MAPK8IP1: variants seen among roughly 807,000 people sequenced by gnomAD.
MAPK8IP1 encodes C-Jun-amino-terminal kinase-interacting protein 1.
A neutral mutation model predicts 72.6 loss-of-function variants in MAPK8IP1; 17 were observed. The observed-to-expected ratio is 0.23, with a 90% CI of 0.16 to 0.35. The LOEUF is 0.35. Among genes scored for constraint, MAPK8IP1 ranks in the 10% least tolerant of loss-of-function variants. MAPK8IP1 has a pLI of 1.00. For synonymous variants in MAPK8IP1, 401 were observed against 443.4 expected, an observed-to-expected ratio of 0.90 and a Z score of 1.20; for missense variants, 789 against 1,009.7, an observed-to-expected ratio of 0.78 and a Z score of 2.96.
chr11:45,901,999 C>G lies in MAPK8IP1; in HGVS notation c.542C>G (p.Ser181Cys). The G allele has an allele frequency of 5.6e-6, 9 of 1,614,092 alleles. No homozygotes were observed. Among genetic ancestry groups the G allele is most frequent in the Non-Finnish European group, 6.8e-6 (8 of 1,179,924 alleles). ...GCACAGGACACACTGAATAATAATT[C>G]TCTGGGCAAAAAGCACAGTTGGCAG... is the stretch of plus-strand genomic sequence containing the variant. ...PRSQDTLNNN[S>C]LGKKHSWQDR... The change falls in exon 4 of 12, where the codon TCT becomes TGT. Residue 181 changes from serine (S) to cysteine (C), a missense_variant. By Grantham distance (112) the Ser-to-Cys change is moderately radical. Coordinates refer to ENST00000241014, the MANE Select transcript of MAPK8IP1 (RefSeq NM_005456.4).
chr11:45,897,210 C>T (rs529731813), intron 1 of MAPK8IP1, among the ~76,000 whole-genome samples: 103 of 152,224 alleles, frequency 6.8e-4, no homozygotes, highest in Non-Finnish European at 1.4e-3. Flanking sequence ...CCACCACCCC[C>T]CCAGCAAGCC....
chr11:45,902,203 C>A lies in MAPK8IP1; in HGVS notation c.604+142C>A. 1.0e-6 allele frequency: 1 copy of A among 996,366 alleles called. No individual in the cohort carries two copies. Among genetic ancestry groups the A allele is most frequent in the Non-Finnish European group, 1.6e-6 (1 of 624,430 alleles). 61.7% of individuals were successfully genotyped at this position (996,366 alleles called of 1,614,324 possible). ...ATCCCTGCACGAGCCCATCCAGGGG[C>A]TGAGATCAGTGGTGGCATGAGTGAG... is the stretch of plus-strand genomic sequence containing the variant. On this transcript the variant is annotated intron_variant, in intron 4 of 11. Coordinates refer to ENST00000241014, the MANE Select transcript of MAPK8IP1 (RefSeq NM_005456.4). The surrounding 1 kb of genome is among the most constrained non-coding windows in gnomAD (Gnocchi z 9.3).
rs899202538 is a variant in MAPK8IP1 at position 45,900,551 on chromosome 11, T to C, written c.522+99T>C. ...CGGGAAGGGGCACCCACGGGTCCAG[T>C]GCCTGGGGACAGCGCCTGCATAGGG... is the stretch of plus-strand genomic sequence containing the variant. On this transcript the variant is annotated intron_variant, in intron 3 of 11. Coordinates refer to ENST00000241014, the MANE Select transcript of MAPK8IP1 (RefSeq NM_005456.4). The surrounding 1 kb of genome is among the most constrained non-coding windows in gnomAD (Gnocchi z 6.5). The C allele has an allele frequency of 1.0e-5, 14 of 1,390,062 alleles. No homozygotes were observed. The highest frequency in any genetic ancestry group is 1.4e-5 in the Non-Finnish European group (14 of 1,036,242). 86.1% of individuals were successfully genotyped at this position (1,390,062 alleles called of 1,614,324 possible).
Position 45,903,392 on chromosome 11 carries a change from G to T in MAPK8IP1, c.1445G>T (p.Cys482Phe). ...GCTGAGTCCTTCGGGCTGTTCTCCT[G>T]CATCATCAACGGGGAGGAGCAGGAG... ...SSAESFGLFS[C>F]IINGEEQEQT... The change falls in exon 6 of 12, where the codon TGC (cysteine) becomes TTC (phenylalanine). Residue 482 changes from cysteine (C) to phenylalanine (F), a missense_variant. Around this residue, in one of 4 missense-constraint regions of MAPK8IP1, gnomAD observed 377 missense variants for 411.7 expected, o/e 0.92. Coordinates refer to ENST00000241014, the MANE Select transcript of MAPK8IP1 (RefSeq NM_005456.4). This position sits in a 1 kb window ranked among gnomAD's most constrained non-coding sequence, Gnocchi z 6.4. 5 of 1,613,690 alleles carry T rather than the reference G, an allele frequency of 3.1e-6. No homozygotes were observed. Among genetic ancestry groups the T allele is most frequent in the Non-Finnish European group, 4.2e-6 (5 of 1,180,014 alleles).
chr11:45,889,763 C>T (rs146402488), intron 1 of MAPK8IP1, among the ~76,000 whole-genome samples: 20 of 152,186 alleles, frequency 1.3e-4, no homozygotes, highest in African/African-American at 3.6e-4. Context: ...GGGATAGAGC[C>T]AGGCCATGGC....
Position 45,904,155 on chromosome 11 carries a change from A to G in MAPK8IP1, c.1660A>G (p.Met554Val), listed in dbSNP as rs972690066. ...AIEVTKEPEHMAALAKNSDWV... is the reference protein window; with the variant it reads ...AIEVTKEPEHVAALAKNSDWV... ...CGAGGTCACCAAGGAGCCCGAGCAC[A>G]TGGCAGGTAGTGTTCCCTCCCTGGC... The change falls in exon 7 of 12, where the codon ATG becomes GTG. Residue 554 changes from methionine to valine, a missense_variant. Physicochemically the swap from Met to Val is conservative, Grantham distance 21 (BLOSUM62 1). This residue lies in a region of MAPK8IP1 where 188 missense variants were observed against 293.3 expected (regional missense o/e 0.64). Transcript: ENST00000241014. This position sits in a 1 kb window ranked among gnomAD's most constrained non-coding sequence, Gnocchi z 6.4. 13 of 1,613,658 alleles carry G rather than the reference A, an allele frequency of 8.1e-6. No homozygotes were observed. The highest frequency in any genetic ancestry group is 1.6e-4 in the Middle Eastern group (1 of 6,084).
chr11:45,903,370 G>A lies in MAPK8IP1; in HGVS notation c.1423G>A (p.Glu475Lys). The change falls in exon 6 of 12, where the codon GAG (glutamate) becomes AAG (lysine). Residue 475 changes from glutamate (E) to lysine (K), a missense_variant. Glu to Lys is a moderately conservative substitution (Grantham distance 56). Transcript: ENST00000241014. This position sits in a 1 kb window ranked among gnomAD's most constrained non-coding sequence, Gnocchi z 6.4. ...CCACACCACCTCACCTGCAGGTGCT[G>A]AGTCCTTCGGGCTGTTCTCCTGCAT... ...MSGRSRSSSA[E>K]SFGLFSCIIN... 1 of 1,613,766 alleles carries A rather than the reference G, an allele frequency of 6.2e-7. No individual in the cohort carries two copies.
At chr11:45,905,484 G>A (rs1451406360) in intron 11 of MAPK8IP1, among the ~76,000 whole-genome samples, 165 bp from the exon 12 acceptor site, 1 of 152,214 alleles carries the variant, frequency 6.6e-6, no homozygotes, top group Non-Finnish European at 1.5e-5. Flanking sequence ...ATCTTACTGG[G>A]AAACGCGATG....
At chr11:45,901,889 T>C in intron 3 of MAPK8IP1, 91 bp from the exon 4 acceptor site, 1 of 943,616 alleles carries the variant, frequency 1.1e-6, no homozygotes. Context: ...CAAATGGCCC[T>C]AGGGATGGCC....
At chr11:45,894,526 C>T (rs1404330487) in intron 1 of MAPK8IP1, among the ~76,000 whole-genome samples, 1 of 152,190 alleles carries the variant, frequency 6.6e-6, no homozygotes, top group East Asian at 1.9e-4. Flanking sequence ...CCCACCCAGA[C>T]CTATTGTCCA....
chr11:45,896,976 G>T (rs1347446297), intron 1 of MAPK8IP1: 3 of 1,556,946 alleles, frequency 1.9e-6, no homozygotes, highest in Non-Finnish European at 2.6e-6. Context: ...GCTGGCGGGG[G>T]TGGAGACCGA....
chr11:45,898,244 A>T, intron 2 of MAPK8IP1, 54 bp downstream of exon 2: 1 of 1,201,024 alleles, frequency 8.3e-7, no homozygotes, highest in South Asian at 1.2e-5. Flanking sequence ...GGCTAGGGAC[A>T]GGGGTAAGGG....
chr11:45,902,177 C>T lies in MAPK8IP1; in HGVS notation c.604+116C>T. The T allele has an allele frequency of 9.5e-7, 1 of 1,057,434 alleles. No individual in the cohort carries two copies. Among genetic ancestry groups the T allele is most frequent in the African/African-American group, 1.6e-5 (1 of 64,258 alleles). The allele number at this position is 1,057,434 out of a possible 1,614,324, so 65.5% of individuals were successfully genotyped here. ...TGAGTAGAGGTGAACTGCCCACCCACATCCCTGCACGAGCCCATCCAGGGG... is the reference window on the plus strand; with the variant it reads ...TGAGTAGAGGTGAACTGCCCACCCATATCCCTGCACGAGCCCATCCAGGGG... On this transcript the variant is annotated intron_variant, in intron 4 of 11. Coordinates refer to ENST00000241014, the MANE Select transcript of MAPK8IP1 (RefSeq NM_005456.4). This position sits in a 1 kb window ranked among gnomAD's most constrained non-coding sequence, Gnocchi z 9.3.
At position 45,904,486 on chromosome 11, in the gene MAPK8IP1, G is replaced by T. The variant is rs777996728; in HGVS notation, c.1698G>T (p.Gln566His). The change falls in exon 8 of 12, where the codon CAG (glutamine) becomes CAT (histidine). Residue 566 changes from glutamine to histidine, a missense_variant. By Grantham distance (24) the Gln-to-His change is conservative. Transcript: ENST00000241014. This position sits in a 1 kb window ranked among gnomAD's most constrained non-coding sequence, Gnocchi z 6.4. ...ALAKNSDWVD[Q>H]FRVKFLGSVQ... is the part of the protein sequence containing the mutation. Reference sequence around the variant, plus strand: ...CCAAAAACAGTGACTGGGTGGACCAGTTCCGGGTGAAGTTCCTGGGCTCAG... The same window carrying T: ...CCAAAAACAGTGACTGGGTGGACCATTTCCGGGTGAAGTTCCTGGGCTCAG... 2 of 1,614,188 alleles carry T rather than the reference G, an allele frequency of 1.2e-6. No individual in the cohort carries two copies. The highest frequency in any genetic ancestry group is 1.7e-4 in the Middle Eastern group (1 of 6,042).
chr11:45,893,404 G>A (rs1471543827), intron 1 of MAPK8IP1, among the ~76,000 whole-genome samples: 1 of 152,152 alleles, frequency 6.6e-6, no homozygotes, highest in Non-Finnish European at 1.5e-5. Context: ...CTGGTATGGC[G>A]AGAACAGTGA....
Position 45,902,643 on chromosome 11 carries a change from T to C in MAPK8IP1, c.876T>C (p.Ala292=), listed in dbSNP as rs749302394. The C allele has an allele frequency of 2.5e-6, 4 of 1,612,906 alleles. No homozygotes were observed. In the South Asian group the frequency reaches 4.4e-5, roughly 18 times the overall value. ...CCCCAGTGCAGAGGCCCCCAGACGC[T>C]GCAGAGCCCACCTCCGCCTTCCTGC... ...YLTPVQRPPD[A]AEPTSAFLPP... Residue 292 remains alanine (A), a synonymous_variant, in exon 5 of 12, where the codon GCT becomes GCC. Coordinates refer to ENST00000241014, the MANE Select transcript of MAPK8IP1 (RefSeq NM_005456.4). The surrounding 1 kb of genome is among the most constrained non-coding windows in gnomAD (Gnocchi z 9.3).
chr11:45,888,174 A>ACAGG (rs2086541798), intron 1 of MAPK8IP1, among the ~76,000 whole-genome samples: 1 of 152,240 alleles, frequency 6.6e-6, no homozygotes, highest in African/African-American at 2.4e-5. Context: ...GCACACACAC[A>ACAGG]CAGGCGCCTT....
chr11:45,896,808 GC>G (rs2086609726), intron 1 of MAPK8IP1: 9 of 1,543,978 alleles, frequency 5.8e-6, no homozygotes, highest in Non-Finnish European at 5.2e-6. Context: ...TTGAGCCCTG[GC>G]CCCCCCACCC....
At chr11:45,896,951 G>A (rs768335577) in intron 1 of MAPK8IP1, 2 of 1,571,428 alleles carry the variant, frequency 1.3e-6, no homozygotes, top group South Asian at 2.3e-5. Context: ...GGGAGCGCTG[G>A]TAGGGGCTAC....
Sources: allele counts gnomAD v4.1 joint callset (sites outside exome capture counted in the v4.1 genomes callset), GRCh38; gene constraint gnomAD v4.1.1; regional missense constraint gnomAD v4.1.1; non-coding constraint Gnocchi (gnomAD v3.1); transcripts MANE v1.5; gene names NCBI Gene and HGNC (gene_info 2026-07-23, HGNC 2026-07-21).